CDH19: variants seen among roughly 807,000 people sequenced by gnomAD.
CDH19 encodes cadherin-19.
A neutral mutation model predicts 64.2 loss-of-function variants in CDH19; 67 were observed. The ratio of observed to expected loss-of-function variants is 1.04; its 90% CI spans 0.86 to 1.28. The LOEUF is 1.28. Ranked by LOEUF, CDH19 falls within the 50% of genes most tolerant of loss-of-function variation. CDH19 has a pLI of 0.00. For synonymous variants in CDH19, 346 were observed against 319.3 expected (o/e 1.08, Z -0.89); for missense variants, 1,030 against 929.0 (o/e 1.11, Z -1.41).
rs1432917768 is a variant in CDH19, at chr18:66,501,672, G to A, written c.*3140C>T. On this transcript the variant is annotated 3_prime_UTR_variant, in exon 12 of 12. Coordinates refer to ENST00000262150, the MANE Select transcript of CDH19 (RefSeq NM_021153.4). ...TTAGCTGTTGTTATAATAATTCACT[G>A]TTATTTATTGAGCAGTTATATTTTG... 6.6e-6 allele frequency: 1 copy of A among 152,082 alleles called. No individual in the cohort carries two copies. Among genetic ancestry groups the A allele is most frequent in the Admixed American group, 6.6e-5 (1 of 15,244 alleles). 9.4% of individuals were successfully genotyped at this position (152,082 alleles called of 1,614,324 possible). A position where few individuals can be genotyped will look rare whatever the true frequency, so the allele number is the denominator to read the frequency against.
chr18:66,511,687 T>TAA lies in CDH19; in HGVS notation c.1459-4_1459-3dup. 3.7e-6 allele frequency: 5 copies of TAA among 1,365,782 alleles called. No homozygotes were observed. The highest frequency in any genetic ancestry group is 1.9e-5 in the Admixed American group (1 of 52,850). 84.6% of individuals were successfully genotyped at this position (1,365,782 alleles called of 1,614,324 possible). Reference sequence around the variant, plus strand: ...CACTGCACTGATAGTCTGAATTACCTAAAAAAAAAGGGGGATAGATTTTTG... The same window carrying TAA: ...CACTGCACTGATAGTCTGAATTACCTAAAAAAAAAAAGGGGGATAGATTTTTG... On this transcript the variant is annotated splice_region_variant and splice_polypyrimidine_tract_variant and intron_variant, in intron 9 of 11. Transcript: ENST00000262150.
intron 5 of CDH19, among the ~76,000 whole-genome samples, chr18:66,548,259 ATAT>A (rs1168509012): frequency 0.056 from 2,369 of 42,610 alleles, 56 homozygotes; most frequent in African/African-American, 0.15. Flanking sequence ...ATATATATAT[ATAT>A]TTTTTTAAAA....
At chr18:66,575,579 C>A (rs757761684) in intron 1 of CDH19, among the ~76,000 whole-genome samples, 2 of 151,770 alleles carry the variant, frequency 1.3e-5, no homozygotes, top group Admixed American at 6.6e-5. Flanking sequence ...TATCACCAGG[C>A]CTGAACAAAT....
At chr18:66,575,210 T>A (rs949078544) in intron 1 of CDH19, among the ~76,000 whole-genome samples, 1 of 151,828 alleles carries the variant, frequency 6.6e-6, no homozygotes, top group African/African-American at 2.4e-5. Context: ...AGTCATTTTT[T>A]ATGGACTCTG....
At chr18:66,510,256 G>A (rs1407170569) in intron 10 of CDH19, among the ~76,000 whole-genome samples, 2 of 151,644 alleles carry the variant, frequency 1.3e-5, no homozygotes, top group African/African-American at 4.8e-5. Context: ...GGTCTATAAA[G>A]CCCATGTGAT....
intron 9 of CDH19, among the ~76,000 whole-genome samples, chr18:66,518,582 T>C (rs1985842335): frequency 6.6e-6 from 1 of 152,178 alleles, no homozygotes; most frequent in African/African-American, 2.4e-5. Flanking sequence ...GAAAAGTTCG[T>C]GTATATAATT....
chr18:66,521,672 T>C lies in CDH19; in HGVS notation c.1458+8173A>G, dbSNP rs191711791. On this transcript the variant is annotated intron_variant, in intron 9 of 11. Coordinates refer to ENST00000262150, the MANE Select transcript of CDH19 (RefSeq NM_021153.4). Reference sequence around the variant, plus strand: ...CTCCTCAGCATCCTTGGTAGCTGGTTCTACAGGCATTAATCACCATGCCCA... The same window carrying C: ...CTCCTCAGCATCCTTGGTAGCTGGTCCTACAGGCATTAATCACCATGCCCA... Among the ~76,000 whole-genome samples the C allele has an allele frequency of 4.0e-5, 6 of 151,706 alleles. No individual in the cohort carries two copies. The East Asian group carries it at 1.2e-3, about 30-fold the overall frequency.
At chr18:66,525,591 A>ATGTT (rs1384056533) in intron 9 of CDH19, among the ~76,000 whole-genome samples, 2 of 152,146 alleles carry the variant, frequency 1.3e-5, no homozygotes, top group Non-Finnish European at 2.9e-5. Flanking sequence ...GAAACACAAC[A>ATGTT]GTCTTGTGCT....
chr18:66,531,461 C>T (rs1178724397), intron 8 of CDH19, among the ~76,000 whole-genome samples: 1 of 151,872 alleles, frequency 6.6e-6, no homozygotes, highest in East Asian at 1.9e-4. Flanking sequence ...TACTAAAAAT[C>T]CAAAAAAATT....
chr18:66,558,422 CA>C (rs1987601203), intron 3 of CDH19, among the ~76,000 whole-genome samples: 1 of 151,590 alleles, frequency 6.6e-6, no homozygotes, highest in African/African-American at 2.4e-5. Flanking sequence ...ACAGTTTAAG[CA>C]ATTTTAAATC....
At chr18:66,602,311 A>T (rs1173228075) in intron 1 of CDH19, among the ~76,000 whole-genome samples, 1 of 151,938 alleles carries the variant, frequency 6.6e-6, no homozygotes, top group Non-Finnish European at 1.5e-5. Context: ...ATCAGTTGAT[A>T]TTTAGTTATA....
intron 3 of CDH19, among the ~76,000 whole-genome samples, chr18:66,564,760 C>G (rs1049448615): frequency 6.6e-6 from 1 of 151,754 alleles, no homozygotes; most frequent in Non-Finnish European, 1.5e-5. Flanking sequence ...GCATGTTTCA[C>G]TTTTAGCAGG....
chr18:66,545,477 A>G (rs1489362092), intron 5 of CDH19, among the ~76,000 whole-genome samples: 1 of 150,942 alleles, frequency 6.6e-6, no homozygotes, highest in African/African-American at 2.4e-5. Context: ...TTTGAAATAT[A>G]AATATTTTCT....
chr18:66,516,377 A>T (rs889230797), intron 9 of CDH19, among the ~76,000 whole-genome samples: 3 of 152,004 alleles, frequency 2.0e-5, no homozygotes, highest in African/African-American at 7.2e-5. Context: ...ATACAAAAAA[A>T]CCCACTAACA....
chr18:66,509,659 T>C (rs1568170542), intron 10 of CDH19, among the ~76,000 whole-genome samples: 1 of 151,708 alleles, frequency 6.6e-6, no homozygotes. Flanking sequence ...GGACTACCAA[T>C]ATGAAATATA....
At chr18:66,551,658 T>A (rs1260452546) in intron 4 of CDH19, among the ~76,000 whole-genome samples, 1 of 152,070 alleles carries the variant, frequency 6.6e-6, no homozygotes, top group Non-Finnish European at 1.5e-5. Flanking sequence ...ACCAAATTTA[T>A]GAAATAAATG....
rs754648930 is a variant in CDH19 at position 66,509,225 on chromosome 18, G to A, written c.1598C>T (p.Thr533Ile). The change falls in exon 11 of 12, where the codon ACT becomes ATT. Residue 533 changes from threonine to isoleucine, a missense_variant. Physicochemically the swap from Thr to Ile is moderately conservative, Grantham distance 89 (BLOSUM62 -1). Coordinates refer to ENST00000262150, the MANE Select transcript of CDH19 (RefSeq NM_021153.4). ...TTGAAGGTTAAAACCAGTTCTATTAGTCAAAATGACAGCTGTGTTATCTAA... is the reference window on the plus strand; with the variant it reads ...TTGAAGGTTAAAACCAGTTCTATTAATCAAAATGACAGCTGTGTTATCTAA... ...DNQDNTAVIL[T>I]NRTGFNLQEE... The A allele has an allele frequency of 1.2e-6, 2 of 1,612,160 alleles. No homozygotes were observed. Among genetic ancestry groups the A allele is most frequent in the Non-Finnish European group, 1.7e-6 (2 of 1,178,934 alleles).
chr18:66,511,743 G>C lies in CDH19; in HGVS notation c.1459-58C>G, dbSNP rs796743974. The stretch of plus-strand genomic sequence containing the variant: ...GTTTGGATTCAGGAAGAAGATCACT[G>C]CTGCTATTATTATTAGCTTTTATTC... On this transcript the variant is annotated intron_variant, in intron 9 of 11. Transcript: ENST00000262150. 24 of 786,756 alleles carry C rather than the reference G, an allele frequency of 3.1e-5. No homozygotes were observed. In the African/African-American group the frequency reaches 3.3e-4, roughly 11 times the overall value. 48.7% of individuals were successfully genotyped at this position (786,756 alleles called of 1,614,324 possible).
At chr18:66,550,483 G>T (rs536384630) in intron 5 of CDH19, among the ~76,000 whole-genome samples, 6 of 152,234 alleles carry the variant, frequency 3.9e-5, no homozygotes, top group African/African-American at 1.4e-4. Context: ...GTTTGCAGAT[G>T]GAATTCAGGT....
Sources: allele counts gnomAD v4.1 joint callset (sites outside exome capture counted in the v4.1 genomes callset), GRCh38; gene constraint gnomAD v4.1.1; transcripts MANE v1.5; gene names NCBI Gene and HGNC (gene_info 2026-07-23, HGNC 2026-07-21).